The following PCDH15 variants were observed in gnomAD, a reference collection of about 807,000 sequenced individuals.
The protein encoded by PCDH15 is protocadherin-15.
Under a neutral mutation model 178.5 loss-of-function variants are expected in PCDH15, and 129 were observed. The observed-to-expected ratio is 0.72, with a 90% CI of 0.63 to 0.84. PCDH15 has a LOEUF of 0.84. Ranked by LOEUF, PCDH15 falls within the 40% of genes least tolerant of loss-of-function variation. The probability of loss-of-function intolerance (pLI) is 0.00; values close to 1 mark genes in which losing one functional copy is unlikely to be tolerated. For missense variants in PCDH15, 2,230 were observed against 2,099.9 expected (o/e 1.06, Z -1.21); for synonymous variants, 800 against 732.0 (o/e 1.09, Z -1.50).
At chr10:54,349,291 G>A (rs541527882) in intron 5 of PCDH15, among the ~76,000 whole-genome samples, 5 of 152,196 alleles carry the variant, frequency 3.3e-5, no homozygotes, top group South Asian at 2.1e-4. Context: ...TTGGTCTTGC[G>A]GGGAAGATAT....
At chr10:54,302,984 C>T (rs1033411504) in intron 8 of PCDH15, among the ~76,000 whole-genome samples, 2 of 152,142 alleles carry the variant, frequency 1.3e-5, no homozygotes, top group Non-Finnish European at 2.9e-5. Flanking sequence ...TATACACCTC[C>T]CCACTTCCTT....
chr10:54,067,094 A>C (rs2094149878), intron 17 of PCDH15, among the ~76,000 whole-genome samples: 1 of 152,324 alleles, frequency 6.6e-6, no homozygotes, highest in South Asian at 2.1e-4. Context: ...AGATGGGAAA[A>C]GCAAATGATG....
At chr10:53,928,634 A>C (rs936941181) in intron 25 of PCDH15, among the ~76,000 whole-genome samples, 3 of 152,022 alleles carry the variant, frequency 2.0e-5, no homozygotes, top group African/African-American at 4.8e-5. Context: ...AATAGATTCC[A>C]GTTCTTCTGT....
intron 3 of PCDH15, among the ~76,000 whole-genome samples, chr10:54,523,020 T>A (rs1234805962): frequency 6.6e-6 from 1 of 152,152 alleles, no homozygotes; most frequent in Non-Finnish European, 1.5e-5. Flanking sequence ...TCTGTAAAAT[T>A]GTAAATTTTC....
chr10:54,372,035 A>G (rs944203594), intron 4 of PCDH15, among the ~76,000 whole-genome samples: 1 of 151,818 alleles, frequency 6.6e-6, no homozygotes, highest in Non-Finnish European at 1.5e-5. Flanking sequence ...CATTTTTACT[A>G]CCAGCTTTCA....
intron 20 of PCDH15, among the ~76,000 whole-genome samples, chr10:54,007,797 A>C (rs1318570442): frequency 6.6e-6 from 1 of 152,104 alleles, no homozygotes; most frequent in Non-Finnish European, 1.5e-5. Context: ...GTTTCTGCTC[A>C]TTTTGAAAGA....
chr10:54,281,894 A>T (rs1368844557), intron 8 of PCDH15, among the ~76,000 whole-genome samples: 1 of 152,108 alleles, frequency 6.6e-6, no homozygotes, highest in Admixed American at 6.6e-5. Context: ...CTACAAAAAA[A>T]ATTCAGTAAC....
At chr10:55,028,979 AT>A (rs36097372) in intron 2 of PCDH15, among the ~76,000 whole-genome samples, 85,504 of 151,566 alleles carry the variant, frequency 0.56, 24,493 homozygotes, top group East Asian at 0.75. Context: ...TTGCATTCAA[AT>A]TTTTTTTGAG....
chr10:55,420,422 G>T (rs1838593034), intron 2 of PCDH15, among the ~76,000 whole-genome samples: 1 of 151,230 alleles, frequency 6.6e-6, no homozygotes, highest in Admixed American at 6.6e-5. Flanking sequence ...TCAGTAAGCT[G>T]AATTTAGGGT....
chr10:54,048,287 A>G (rs2093696469), intron 18 of PCDH15, among the ~76,000 whole-genome samples: 1 of 152,046 alleles, frequency 6.6e-6, no homozygotes, highest in African/African-American at 2.4e-5. Context: ...TAAGTTCTTT[A>G]TAGAATCAGG....
At chr10:55,465,025 G>A (rs534880036) in intron 2 of PCDH15, among the ~76,000 whole-genome samples, 1 of 152,062 alleles carries the variant, frequency 6.6e-6, no homozygotes, top group Non-Finnish European at 1.5e-5. Context: ...ACCCTGTTGT[G>A]GATCTGACTA....
chr10:54,425,910 T>C (rs540392160), intron 3 of PCDH15, among the ~76,000 whole-genome samples: 1 of 152,310 alleles, frequency 6.6e-6, no homozygotes, highest in East Asian at 1.9e-4. Flanking sequence ...TCTAATAGCA[T>C]TGGACCAGAA....
chr10:55,076,609 A>AATG (rs1319259870), intron 2 of PCDH15, among the ~76,000 whole-genome samples: 1 of 150,652 alleles, frequency 6.6e-6, no homozygotes, highest in Non-Finnish European at 1.5e-5. Flanking sequence ...CATGGCGGCT[A>AATG]ATTATTATTA....
At chr10:54,328,481 C>G (rs1320927179) in intron 7 of PCDH15, among the ~76,000 whole-genome samples, 1 of 151,940 alleles carries the variant, frequency 6.6e-6, no homozygotes, top group Non-Finnish European at 1.5e-5. Context: ...AGGATATGAA[C>G]TATACATAGT....
rs191516476 is a variant in PCDH15 at position 55,107,303 on chromosome 10, A to G, written c.-80+59273T>C. On this transcript the variant is annotated intron_variant, in intron 2 of 5. Transcript: ENST00000458638. ...CTGCAGTCTGCTGCTGGTTGATTAC[A>G]TGGCATCAATGGCCATAAGTTGGAT... 3.1e-3 allele frequency among the ~76,000 whole-genome samples: 479 copies of G among 152,248 alleles called. 3 individuals are homozygous for G. Among genetic ancestry groups the G allele is most frequent in the African/African-American group, 0.011 (469 of 41,554 alleles).
chr10:54,964,958 G>A (rs1350332803), intron 2 of PCDH15, among the ~76,000 whole-genome samples: 4 of 152,112 alleles, frequency 2.6e-5, no homozygotes, highest in African/African-American at 9.7e-5. Context: ...AAACACATAG[G>A]AAAGGTTTTG....
At chr10:54,803,534 T>G (rs1952726226), upstream of PCDH15, among the ~76,000 whole-genome samples, 1 of 152,084 alleles carries the variant, frequency 6.6e-6, no homozygotes, top group African/African-American at 2.4e-5. Context: ...AGGCACCGTT[T>G]TTTTTCTTTC....
intron 1 of PCDH15, among the ~76,000 whole-genome samples, chr10:54,774,174 G>A (rs1462479751): frequency 5.3e-4 from 80 of 151,738 alleles, no homozygotes; most frequent in Non-Finnish European, 2.9e-5. Context: ...GACCACAGGC[G>A]CCTGCCACCA....
At chr10:54,551,259 C>A (rs770088214) in intron 2 of PCDH15, among the ~76,000 whole-genome samples, 23 of 149,370 alleles carry the variant, frequency 1.5e-4, no homozygotes, top group Non-Finnish European at 2.2e-4. Flanking sequence ...TATAAACAGA[C>A]AGTGGGAGTG....
Sources: gnomAD v4.1 joint callset for allele counts (sites outside exome capture counted in the v4.1 genomes callset) on GRCh38, gnomAD v4.1.1 for gene constraint, MANE v1.5 for transcripts, NCBI Gene and HGNC (gene_info 2026-07-23, HGNC 2026-07-21) for gene names.